The following BIRC6 variants were observed in gnomAD, a reference collection of about 807,000 sequenced individuals.
BIRC6 encodes the protein dual E2 ubiquitin-conjugating enzyme/E3 ubiquitin-protein ligase BIRC6.
In BIRC6, 98 loss-of-function variants were observed where a neutral mutation model predicts 503.3. That is an observed-to-expected ratio of 0.19 (90% CI 0.17 to 0.23). The LOEUF (loss-of-function observed/expected upper bound fraction) is 0.23. BIRC6 is among the 10% of genes least tolerant of loss of function. The probability of loss-of-function intolerance (pLI) is 1.00; values close to 1 mark genes in which losing one functional copy is unlikely to be tolerated. For synonymous variants in BIRC6, 2,240 were observed against 2,078.7 expected, an observed-to-expected ratio of 1.08 and a Z score of -2.11; for missense variants, 5,360 against 5,806.0, an observed-to-expected ratio of 0.92 and a Z score of 2.50.
In BIRC6 at chr2:32,464,766, T is replaced by A; in HGVS notation, c.5199T>A (p.Ile1733=). The A allele has an allele frequency of 6.2e-7, 1 of 1,614,016 alleles. No individual in the cohort carries two copies. Among genetic ancestry groups the A allele is most frequent in the Non-Finnish European group, 8.5e-7 (1 of 1,179,862 alleles). ...ELAQLFPGSV[I]DPPAVNLAAH... Reference sequence around the variant, plus strand: ...CACAGCTTTTCCCAGGCTCAGTCATTGATCCCCCAGCAGTCAATCTTGCTG... The same window carrying A: ...CACAGCTTTTCCCAGGCTCAGTCATAGATCCCCCAGCAGTCAATCTTGCTG... Residue 1733 remains isoleucine (I), a synonymous_variant, in exon 25 of 74, where the codon ATT becomes ATA. Transcript: ENST00000421745.
intron 57 of BIRC6, 106 bp from the exon 58 acceptor site, chr2:32,524,782 G>A (rs2056110692): frequency 1.2e-6 from 1 of 815,266 alleles, no homozygotes; most frequent in South Asian, 2.9e-5. Context: ...TATTGCCTTA[G>A]TATTAAGGAT....
intron 22 of BIRC6, among the ~76,000 whole-genome samples, chr2:32,452,460 T>A (rs1225558647): frequency 6.6e-6 from 1 of 152,004 alleles, no homozygotes. Context: ...CTCTTCAGGG[T>A]GCTTAATATT....
At position 32,509,891 on chromosome 2, in the gene BIRC6, C is replaced by T. The variant is rs148730727; in HGVS notation, c.10134C>T (p.Ile3378=). ...SPYCGMHSPN[I]EVVLVKIGLQ... ...ACTGTGGAATGCATTCACCCAACAT[C>T]GAGGTTGTGCTTGTAAAGATAGGAC... The change falls in exon 52 of 74, where the codon ATC becomes ATT. Residue 3378 remains isoleucine (I), a synonymous_variant. Transcript: ENST00000421745. The T allele has an allele frequency of 9.9e-5, 159 of 1,613,850 alleles. No homozygotes were observed. Among genetic ancestry groups the T allele is most frequent in the Non-Finnish European group, 1.2e-4 (141 of 1,179,888 alleles).
At chr2:32,467,498 G>T in intron 26 of BIRC6, 27 bp from the exon 27 acceptor site, 2 of 1,585,366 alleles carry the variant, frequency 1.3e-6, no homozygotes, top group South Asian at 1.1e-5. Context: ...TATATTTTTG[G>T]TCAACTGTTT....
intron 61 of BIRC6, 142 bp downstream of exon 61, chr2:32,531,693 C>A (rs1051921379): frequency 2.7e-6 from 2 of 748,414 alleles, no homozygotes; most frequent in African/African-American, 3.5e-5. Context: ...ATAACTCTTT[C>A]AATGGTCAGT....
At chr2:32,591,806 G>A (rs548275368) in intron 66 of BIRC6, among the ~76,000 whole-genome samples, 1 of 152,254 alleles carries the variant, frequency 6.6e-6, no homozygotes, top group Admixed American at 6.5e-5. Flanking sequence ...TTAATAATTT[G>A]TCAAGACCTG....
At chr2:32,607,721 T>C (rs2062564721) in intron 72 of BIRC6, 78 bp downstream of exon 72, 5 of 1,252,166 alleles carry the variant, frequency 4.0e-6, no homozygotes, top group Admixed American at 2.5e-5. Context: ...CTCATGCCTG[T>C]AATCTCAGCA....
In BIRC6 at chr2:32,577,023, G is replaced by GC. The variant is rs111937883; in HGVS notation, c.13355+1665dup. Among the ~76,000 whole-genome samples, 362 of 151,182 alleles carry GC rather than the reference G, an allele frequency of 2.4e-3. 5 individuals are homozygous for GC. In the East Asian group the frequency reaches 0.034, roughly 14 times the overall value. On this transcript the variant is annotated intron_variant, in intron 66 of 73. Coordinates refer to ENST00000421745, the MANE Select transcript of BIRC6 (RefSeq NM_016252.4). ...GTATTTGGTCCCCTCCTATCTTGTG[G>GC]CCCCCCCCAGAATCTTTCTCACTGG...
chr2:32,404,772 C>G (rs2041008527), intron 8 of BIRC6, among the ~76,000 whole-genome samples: 2 of 152,030 alleles, frequency 1.3e-5, no homozygotes, highest in Admixed American at 1.3e-4. Context: ...AGTCATCCTT[C>G]TACCTCAGCC....
chr2:32,398,158 C>T (rs1476185337), intron 6 of BIRC6, among the ~76,000 whole-genome samples: 1 of 152,166 alleles, frequency 6.6e-6, no homozygotes, highest in Non-Finnish European at 1.5e-5. Context: ...AAGTTAAAAA[C>T]ATAAAAAATG....
At chr2:32,380,316 T>A in intron 3 of BIRC6, 26 bp downstream of exon 3, 4 of 1,571,014 alleles carry the variant, frequency 2.5e-6, no homozygotes, top group Non-Finnish European at 3.4e-6. Context: ...ATTGCCTCTT[T>A]TGGGGTTATA....
intron 1 of BIRC6, among the ~76,000 whole-genome samples, chr2:32,369,942 AAAAATATATATAT>A (rs1200516512): frequency 2.1e-3 from 71 of 34,280 alleles, no homozygotes; most frequent in African/African-American, 0.011. Context: ...AAAAAAAAAA[AAAAATATATATAT>A]ATATATATAT....
chr2:32,435,959 G>C, intron 14 of BIRC6, 94 bp from the exon 15 acceptor site: 1 of 665,036 alleles, frequency 1.5e-6, no homozygotes, highest in Non-Finnish European at 2.2e-6. Flanking sequence ...ATTTTGTGTG[G>C]TGGTATTATA....
intron 39 of BIRC6, among the ~76,000 whole-genome samples, chr2:32,484,266 AT>A (rs2050735229): frequency 3.2e-5 from 2 of 62,354 alleles, no homozygotes; most frequent in South Asian, 1.5e-3. Context: ...TTTTGAAAAA[AT>A]TACTGGCCAG....
intron 65 of BIRC6, among the ~76,000 whole-genome samples, chr2:32,567,550 G>A (rs1370938047): frequency 1.3e-5 from 2 of 152,182 alleles, no homozygotes; most frequent in African/African-American, 4.8e-5. Flanking sequence ...ATAGCGTGTG[G>A]CCAGTAGCTG....
chr2:32,593,722 C>T (rs950697280), intron 66 of BIRC6, among the ~76,000 whole-genome samples, 193 bp from the exon 67 acceptor site: 1 of 152,116 alleles, frequency 6.6e-6, no homozygotes, highest in Non-Finnish European at 1.5e-5. Flanking sequence ...ATGTCTGTCT[C>T]TTCTCTGATT....
intron 1 of BIRC6, among the ~76,000 whole-genome samples, chr2:32,369,942 A>AT (rs2035585849): frequency 2.3e-4 from 8 of 34,302 alleles, no homozygotes; most frequent in Non-Finnish European, 3.5e-4. Context: ...AAAAAAAAAA[A>AT]AAAATATATA....
intron 60 of BIRC6, among the ~76,000 whole-genome samples, chr2:32,530,461 T>G (rs1346981661): frequency 6.6e-6 from 1 of 152,210 alleles, no homozygotes; most frequent in Non-Finnish European, 1.5e-5. Flanking sequence ...TCTGCCCGCT[T>G]CGGCCTCACA....
intron 6 of BIRC6, among the ~76,000 whole-genome samples, chr2:32,395,833 C>T (rs1202319835): frequency 6.6e-6 from 1 of 152,176 alleles, no homozygotes; most frequent in African/African-American, 2.4e-5. Context: ...GAACCACGCT[C>T]TAACGAAAAC....
Sources: gnomAD v4.1 joint callset for allele counts (sites outside exome capture counted in the v4.1 genomes callset) on GRCh38, gnomAD v4.1.1 for gene constraint, MANE v1.5 for transcripts, NCBI Gene and HGNC (gene_info 2026-07-23, HGNC 2026-07-21) for gene names.